DMRTA1: variants seen among roughly 807,000 people sequenced by gnomAD.
DMRTA1 encodes doublesex- and mab-3-related transcription factor A1.
Under a neutral mutation model 35.2 loss-of-function variants are expected in DMRTA1, and 34 were observed. The ratio of observed to expected loss-of-function variants is 0.97; its 90% CI spans 0.74 to 1.29. DMRTA1 has a LOEUF of 1.29. Among genes scored for constraint, DMRTA1 ranks in the 50% most tolerant of loss-of-function variants. The pLI, the probability that DMRTA1 is intolerant of heterozygous loss-of-function variation, is 0.00. For synonymous variants in DMRTA1, 344 were observed against 276.6 expected (o/e 1.24, Z -2.42); for missense variants, 824 against 644.6 (o/e 1.28, Z -3.01).
Position 22,451,982 on chromosome 9 carries a change from C to T in DMRTA1, c.*71C>T. On this transcript the variant is annotated 3_prime_UTR_variant, in exon 2 of 2. Coordinates refer to ENST00000325870, the MANE Select transcript of DMRTA1 (RefSeq NM_022160.3). The stretch of plus-strand genomic sequence containing the variant: ...ACATGCACGTGCACACACATACACA[C>T]ACATCCATTAATATACTTCAGTAAG... The T allele has an allele frequency of 6.5e-7, 1 of 1,537,232 alleles. No homozygotes were observed. The highest frequency in any genetic ancestry group is 8.8e-7 in the Non-Finnish European group (1 of 1,134,670).
At chr9:22,448,916 G>T (rs938601585) in intron 1 of DMRTA1, among the ~76,000 whole-genome samples, 4 of 152,150 alleles carry the variant, frequency 2.6e-5, no homozygotes, top group African/African-American at 9.7e-5. Context: ...AAAGATGAAG[G>T]TGCTAAAGAG....
chr9:22,447,107 C>A lies in DMRTA1; in HGVS notation c.42C>A (p.Ser14Arg). Reference protein sequence around the residue: ...SQCGSRDRGVSGRPHLAPGLV... With the variant: ...SQCGSRDRGVRGRPHLAPGLV... ...GTGGCAGCAGAGACCGAGGCGTTAG[C>A]GGCCGACCTCACTTGGCCCCTGGGC... is the stretch of plus-strand genomic sequence containing the variant. The change falls in exon 1 of 2, where the codon AGC (serine) becomes AGA (arginine). Residue 14 changes from serine (S) to arginine (R), a missense_variant. By Grantham distance (110) the Ser-to-Arg change is moderately radical (BLOSUM62 -1). Coordinates refer to ENST00000325870, the MANE Select transcript of DMRTA1 (RefSeq NM_022160.3). The A allele has an allele frequency of 6.2e-7, 1 of 1,609,090 alleles. No homozygotes were observed. Among genetic ancestry groups the A allele is most frequent in the Non-Finnish European group, 8.5e-7 (1 of 1,178,508 alleles).
intron 1 of DMRTA1, among the ~76,000 whole-genome samples, chr9:22,450,470 G>C (rs1818907855): frequency 6.6e-6 from 1 of 151,932 alleles, no homozygotes; most frequent in Non-Finnish European, 1.5e-5. Flanking sequence ...GTACTTATTG[G>C]TTTAAATCTG....
At chr9:22,450,780 C>G (rs1818911875) in intron 1 of DMRTA1, among the ~76,000 whole-genome samples, 1 of 152,108 alleles carries the variant, frequency 6.6e-6, no homozygotes, top group Non-Finnish European at 1.5e-5. Flanking sequence ...TTTGGGGTAA[C>G]AATACACTCT....
Position 22,446,895 on chromosome 9 carries a change from C to T in DMRTA1, c.-171C>T. 1 of 777,786 alleles carries T rather than the reference C, an allele frequency of 1.3e-6. No homozygotes were observed. Among genetic ancestry groups the T allele is most frequent in the Non-Finnish European group, 2.0e-6 (1 of 510,684 alleles). 48.2% of individuals were successfully genotyped at this position (777,786 alleles called of 1,614,324 possible). On this transcript the variant is annotated 5_prime_UTR_variant, in exon 1 of 2. Transcript: ENST00000325870. ...TCTCAGCGTCTCCAGCTCCAGGACG[C>T]GGTCGTCCCAACTCCTTCCGAGTGG...
rs990640847 is a variant in DMRTA1 at position 22,447,027 on chromosome 9, A to C, written c.-39A>C. On this transcript the variant is annotated 5_prime_UTR_variant, in exon 1 of 2. Transcript: ENST00000325870. ...CAGCAGGGTTAGCTGCGGTCAGCGC[A>C]CTTTCCACTTGGGACTCCCGGCCAG... The C allele has an allele frequency of 3.8e-6, 6 of 1,587,008 alleles. No homozygotes were observed. Among genetic ancestry groups the C allele is most frequent in the Non-Finnish European group, 5.1e-6 (6 of 1,167,826 alleles).
chr9:22,447,218 C>A lies in DMRTA1; in HGVS notation c.153C>A (p.Pro51=). The A allele has an allele frequency of 6.4e-7, 1 of 1,564,754 alleles. No homozygotes were observed. The highest frequency in any genetic ancestry group is 8.6e-7 in the Non-Finnish European group (1 of 1,160,890). The part of the protein sequence containing the change: ...MQVPPAFLRP[P]SLFLRAAAAA... The stretch of plus-strand genomic sequence containing the variant: ...TTCCCCCAGCGTTCCTGCGGCCGCC[C>A]AGCCTCTTTCTGCGAGCAGCGGCCG... Residue 51 remains proline, a synonymous_variant, in exon 1 of 2, where the codon CCC becomes CCA. Transcript: ENST00000325870.
At position 22,451,250 on chromosome 9, in the gene DMRTA1, A is replaced by G; in HGVS notation, c.854A>G (p.Gln285Arg). 1 of 1,614,098 alleles carries G rather than the reference A, an allele frequency of 6.2e-7. No individual in the cohort carries two copies. Among genetic ancestry groups the G allele is most frequent in the Non-Finnish European group, 8.5e-7 (1 of 1,179,952 alleles). The change falls in exon 2 of 2, where the codon CAA (glutamine) becomes CGA (arginine). Residue 285 changes from glutamine (Q) to arginine (R), a missense_variant. By Grantham distance (43) the Gln-to-Arg change is conservative. Transcript: ENST00000325870. ...DSILSPHPGE[Q>R]SGGEESPRSL... ...ATCCTGTCTCCTCATCCTGGAGAGC[A>G]ATCAGGAGGTGAAGAGAGTCCCAGG... is the stretch of plus-strand genomic sequence containing the variant.
intron 1 of DMRTA1, among the ~76,000 whole-genome samples, chr9:22,448,814 G>T (rs979190255): frequency 6.6e-6 from 1 of 151,380 alleles, no homozygotes. Context: ...GAGGCATTCA[G>T]TTCAGAGTGA....
At position 22,446,840 on chromosome 9, in the gene DMRTA1, T is replaced by G. The variant is rs1474165355; in HGVS notation, c.-226T>G. On this transcript the variant is annotated 5_prime_UTR_variant, in exon 1 of 2. Coordinates refer to ENST00000325870, the MANE Select transcript of DMRTA1 (RefSeq NM_022160.3). ...AAAGGCATTAACTTAGCGCCCGGGG[T>G]CTCTGCCAGGCTCACGGGACAGCTG... 1.8e-6 allele frequency: 1 copy of G among 544,650 alleles called. No homozygotes were observed. The highest frequency in any genetic ancestry group is 2.6e-5 in the South Asian group (1 of 38,718). The allele number at this position is 544,650 out of a possible 1,614,324, so 33.7% of individuals were successfully genotyped here.
rs370396351 is a variant in DMRTA1, at chr9:22,451,076, G to C, written c.680G>C (p.Ser227Thr). ...YPEEKQEQKE[S>T]KCESCQNGQE... ...CCCTCTTCTCCAGAACAAAAAGAGA[G>C]TAAATGTGAGTCATGCCAGAATGGA... is the stretch of plus-strand genomic sequence containing the variant. Residue 227 changes from serine (S) to threonine (T), a missense_variant, in exon 2 of 2, where the codon AGT becomes ACT. Physicochemically the swap from Ser to Thr is moderately conservative, Grantham distance 58. Transcript: ENST00000325870. 1.2e-6 allele frequency: 2 copies of C among 1,611,930 alleles called. No individual in the cohort carries two copies. The highest frequency in any genetic ancestry group is 4.5e-5 in the East Asian group (2 of 44,858).
chr9:22,447,669 G>T lies in DMRTA1; in HGVS notation c.604G>T (p.Ala202Ser). The change falls in exon 1 of 2, where the codon GCC becomes TCC. Residue 202 changes from alanine to serine, a missense_variant. Transcript: ENST00000325870. Reference protein sequence around the residue: ...AALGLGALRQASGSATPAFEV... With the variant: ...AALGLGALRQSSGSATPAFEV... ...GCTGGGACTGGGTGCCTTGAGACAGGCCAGTGGTTCCGCGACCCCCGCTTT... is the reference window on the plus strand; with the variant it reads ...GCTGGGACTGGGTGCCTTGAGACAGTCCAGTGGTTCCGCGACCCCCGCTTT... 6.2e-7 allele frequency: 1 copy of T among 1,612,588 alleles called. No individual in the cohort carries two copies. Among genetic ancestry groups the T allele is most frequent in the Non-Finnish European group, 8.5e-7 (1 of 1,179,954 alleles).
In DMRTA1 at chr9:22,451,193, C is replaced by T. The variant is rs746675446; in HGVS notation, c.797C>T (p.Ser266Phe). Residue 266 changes from serine to phenylalanine, a missense_variant, in exon 2 of 2, where the codon TCT becomes TTT. Transcript: ENST00000325870. ...ATTGGGAAACAAAGTATCGGGTCAT[C>T]TATTTCAGAATACTCCAACAAGCCT... ...GVIGKQSIGSSISEYSNKPDS... is the reference protein window; with the variant it reads ...GVIGKQSIGSFISEYSNKPDS... 9 of 1,614,130 alleles carry T rather than the reference C, an allele frequency of 5.6e-6. No homozygotes were observed. In the East Asian group the frequency reaches 2.0e-4, roughly 36 times the overall value.
chr9:22,449,780 C>A (rs1325016416), intron 1 of DMRTA1, among the ~76,000 whole-genome samples: 1 of 151,996 alleles, frequency 6.6e-6, no homozygotes, highest in East Asian at 1.9e-4. Context: ...TTTTGAACTT[C>A]AAAATGCTAA....
chr9:22,450,528 T>C, intron 1 of DMRTA1, among the ~76,000 whole-genome samples: 1 of 152,190 alleles, frequency 6.6e-6, no homozygotes, highest in East Asian at 1.9e-4. Flanking sequence ...AAATTAATTA[T>C]AACCTGAAAT....
rs898054099 is a variant in DMRTA1 at position 22,451,509 on chromosome 9, A to G, written c.1113A>G (p.Pro371=). Residue 371 remains proline, a synonymous_variant, in exon 2 of 2, where the codon CCA becomes CCG. Transcript: ENST00000325870. The part of the protein sequence containing the change: ...EQVLNGKEHK[P]DNRNLANSEE... Reference sequence around the variant, plus strand: ...TTTTAAATGGCAAAGAACACAAGCCAGACAACAGGAACCTAGCAAACTCAG... The same window carrying G: ...TTTTAAATGGCAAAGAACACAAGCCGGACAACAGGAACCTAGCAAACTCAG... 7 of 1,614,076 alleles carry G rather than the reference A, an allele frequency of 4.3e-6. No individual in the cohort carries two copies. Among genetic ancestry groups the G allele is most frequent in the Non-Finnish European group, 5.9e-6 (7 of 1,180,008 alleles).
At position 22,454,829 on chromosome 9, in the gene DMRTA1, C is replaced by T. The variant is rs960354556; in HGVS notation, c.*2918C>T. On this transcript the variant is annotated 3_prime_UTR_variant, in exon 2 of 2. Transcript: ENST00000325870. ...CTGTCCAAGAGTGTAGTGGCTGCCT[C>T]GTATGATAAAGCATCTGGAACTCAT... 3 of 152,006 alleles carry T rather than the reference C, an allele frequency of 2.0e-5. No individual in the cohort carries two copies. The highest frequency in any genetic ancestry group is 4.8e-5 in the African/African-American group (2 of 41,376). The allele number at this position is 152,006 out of a possible 1,614,324, so 9.4% of individuals were successfully genotyped here. A position where few individuals can be genotyped will look rare whatever the true frequency, so the allele number is the denominator to read the frequency against.
Position 22,451,603 on chromosome 9 carries a change from C to G in DMRTA1, c.1207C>G (p.Leu403Val), listed in dbSNP as rs1160186327. The change falls in exon 2 of 2, where the codon CTA becomes GTA. Residue 403 changes from leucine (L) to valine (V), a missense_variant. Transcript: ENST00000325870. ...FSLAGIGFGT[L>V]GNKSAFSPLQ... is the part of the protein sequence containing the mutation. ...TCTTGCTGGAATTGGTTTTGGAACT[C>G]TAGGTAATAAATCAGCTTTCTCTCC... is the stretch of plus-strand genomic sequence containing the variant. 9.3e-6 allele frequency: 15 copies of G among 1,614,086 alleles called. No individual in the cohort carries two copies. The highest frequency in any genetic ancestry group is 1.7e-5 in the Admixed American group (1 of 60,022).
At chr9:22,449,149 A>G (rs1285469356) in intron 1 of DMRTA1, among the ~76,000 whole-genome samples, 3 of 152,192 alleles carry the variant, frequency 2.0e-5, no homozygotes, top group Non-Finnish European at 4.4e-5. Flanking sequence ...TTGAAAGGTT[A>G]CTTCAATAGC....
Sources: allele counts gnomAD v4.1 joint callset (sites outside exome capture counted in the v4.1 genomes callset), GRCh38; gene constraint gnomAD v4.1.1; transcripts MANE v1.5; gene names NCBI Gene and HGNC (gene_info 2026-07-23, HGNC 2026-07-21).